STAG1: variants seen among roughly 807,000 people sequenced by gnomAD.
The protein encoded by STAG1 is STAG1 cohesin complex component.
STAG1 carries 26 observed loss-of-function variants against 170.9 expected under a neutral mutation model. The ratio of observed to expected loss-of-function variants is 0.15; its 90% CI spans 0.11 to 0.21. The LOEUF (loss-of-function observed/expected upper bound fraction) is 0.21. Among genes scored for constraint, STAG1 ranks in the 10% least tolerant of loss-of-function variants. STAG1 has a pLI of 1.00. For missense variants in STAG1, 964 were observed against 1,509.5 expected, an observed-to-expected ratio of 0.64 and a Z score of 5.99; for synonymous variants, 514 against 497.7, an observed-to-expected ratio of 1.03 and a Z score of -0.44.
intron 26 of STAG1, among the ~76,000 whole-genome samples, chr3:136,361,425 G>C (rs1484560572): frequency 6.6e-6 from 1 of 152,054 alleles, no homozygotes; most frequent in African/African-American, 2.4e-5. Context: ...TATCCATGTA[G>C]ATACCTAGAA....
chr3:136,471,162 G>A (rs747548423), intron 12 of STAG1, among the ~76,000 whole-genome samples: 1 of 150,734 alleles, frequency 6.6e-6, no homozygotes, highest in Non-Finnish European at 1.5e-5. Context: ...GGAGTTAGCA[G>A]TTTTAATGTG....
intron 6 of STAG1, among the ~76,000 whole-genome samples, chr3:136,527,858 C>A (rs997391300): frequency 6.6e-6 from 1 of 152,140 alleles, no homozygotes; most frequent in African/African-American, 2.4e-5. Flanking sequence ...CACTCCAGAC[C>A]CTGTTTTCCT....
intron 22 of STAG1, among the ~76,000 whole-genome samples, chr3:136,380,461 T>C (rs1042806622): frequency 4.6e-5 from 7 of 151,950 alleles, no homozygotes; most frequent in African/African-American, 1.7e-4. Context: ...AAGATGGTCT[T>C]GATCTCCTGA....
At position 136,369,187 on chromosome 3, in the gene STAG1, A is replaced by G. The variant is rs1937196600; in HGVS notation, c.2466T>C (p.Asp822=). Residue 822 remains aspartate, a synonymous_variant, in exon 24 of 34, where the codon GAT becomes GAC. Coordinates refer to ENST00000383202, the MANE Select transcript of STAG1 (RefSeq NM_005862.3). The part of the protein sequence containing the change: ...EGLQPLVFNP[D]TGLQSELLSF... ...TGAGGAGTTCAGATTGGAGTCCAGT[A>G]TCTGGATTGAACACCAAAGGCTGAA... 1 of 1,605,776 alleles carries G rather than the reference A, an allele frequency of 6.2e-7. No individual in the cohort carries two copies. The highest frequency in any genetic ancestry group is 8.5e-7 in the Non-Finnish European group (1 of 1,177,880).
intron 2 of STAG1, among the ~76,000 whole-genome samples, chr3:136,623,574 ATTTAT>A (rs1939960240): frequency 1.3e-5 from 2 of 152,300 alleles, no homozygotes; most frequent in South Asian, 4.1e-4. Flanking sequence ...GAATATTTTT[ATTTAT>A]TTTGTTTATT....
intron 9 of STAG1, among the ~76,000 whole-genome samples, chr3:136,496,147 AAAAC>A (rs996320086): frequency 1.8e-4 from 27 of 152,194 alleles, no homozygotes; most frequent in East Asian, 3.9e-4. Flanking sequence ...TCCGTCTCAA[AAAAC>A]AAACAAACAA....
At chr3:136,586,632 G>A (rs1239387536) in intron 4 of STAG1, among the ~76,000 whole-genome samples, 1 of 152,080 alleles carries the variant, frequency 6.6e-6, no homozygotes, top group East Asian at 1.9e-4. Flanking sequence ...TTCTTATCTT[G>A]GCACTAATCA....
At chr3:136,431,732 A>G (rs575342670) in intron 16 of STAG1, among the ~76,000 whole-genome samples, 2 of 152,272 alleles carry the variant, frequency 1.3e-5, no homozygotes, top group South Asian at 4.1e-4. Context: ...CTTTCACTGA[A>G]TATGTCATTC....
At chr3:136,723,530 G>C (rs1933442319) in intron 1 of STAG1, among the ~76,000 whole-genome samples, 1 of 152,052 alleles carries the variant, frequency 6.6e-6, no homozygotes, top group South Asian at 2.1e-4. Flanking sequence ...GAGCGTCTCT[G>C]CCCGGCAGCC....
chr3:136,338,361 G>T lies in STAG1; in HGVS notation c.3753+9C>A, dbSNP rs1259957652. The T allele has an allele frequency of 2.5e-6, 4 of 1,607,528 alleles. No homozygotes were observed. Among genetic ancestry groups the T allele is most frequent in the Non-Finnish European group, 2.6e-6 (3 of 1,174,174 alleles). On this transcript the variant is annotated intron_variant, in intron 33 of 33. Coordinates refer to ENST00000383202, the MANE Select transcript of STAG1 (RefSeq NM_005862.3). ...CATAAATAAAAAGCAGTAATAATTT[G>T]ACATTTACTGAATCATCTTCTATGA...
At chr3:136,389,495 A>C (rs2086953155) in intron 22 of STAG1, among the ~76,000 whole-genome samples, 1 of 151,848 alleles carries the variant, frequency 6.6e-6, no homozygotes, top group Admixed American at 6.6e-5. Flanking sequence ...GGGTTTCACC[A>C]TATTGGTCAG....
chr3:136,377,726 C>G lies in STAG1; in HGVS notation c.2304G>C (p.Thr768=). The G allele has an allele frequency of 6.2e-7, 1 of 1,613,964 alleles. No individual in the cohort carries two copies. The highest frequency in any genetic ancestry group is 8.5e-7 in the Non-Finnish European group (1 of 1,179,960). ...GGCAAACAGCCAAAAAGGATTTCAC[C>G]GTTTTCCTCAATACCAACAAATCCT... ...SKEDLLVLRK[T]VKSFLAVCQQ... is the part of the protein sequence containing the mutation. Residue 768 remains threonine (T), a synonymous_variant, in exon 23 of 34, where the codon ACG becomes ACC. Coordinates refer to ENST00000383202, the MANE Select transcript of STAG1 (RefSeq NM_005862.3).
At chr3:136,350,876 G>A (rs1936409384) in intron 28 of STAG1, among the ~76,000 whole-genome samples, 1 of 152,098 alleles carries the variant, frequency 6.6e-6, no homozygotes, top group Admixed American at 6.6e-5. Flanking sequence ...GACACTAGCA[G>A]CAACAAATGA....
chr3:136,424,553 C>T (rs937031780), intron 16 of STAG1, among the ~76,000 whole-genome samples: 1 of 151,736 alleles, frequency 6.6e-6, no homozygotes, highest in African/African-American at 2.4e-5. Flanking sequence ...CAGGCTGGTC[C>T]AACTCCTGAC....
Position 136,748,057 on chromosome 3 carries a change from G to T in STAG1, c.-84+4138C>A, listed in dbSNP as rs1379188670. Among the ~76,000 whole-genome samples the T allele has an allele frequency of 2.0e-5, 3 of 150,558 alleles. No individual in the cohort carries two copies. In the East Asian group the frequency reaches 6.2e-4, roughly 31 times the overall value. On this transcript the variant is annotated intron_variant, in intron 1 of 33. Transcript: ENST00000383202. ...CCCAAAGTGCTGGGATTACAGGCGT[G>T]AGCCACCGCGCCTGGCCAAGAATTA...
intron 21 of STAG1, among the ~76,000 whole-genome samples, chr3:136,399,277 A>G (rs1032392731): frequency 6.6e-6 from 1 of 152,210 alleles, no homozygotes; most frequent in Non-Finnish European, 1.5e-5. Flanking sequence ...TATAAAGCTT[A>G]ATGAATATAA....
At chr3:136,518,191 C>G (rs1256548274) in intron 7 of STAG1, 1 of 420,176 alleles carries the variant, frequency 2.4e-6, no homozygotes, top group East Asian at 3.5e-5. Context: ...TAAGACCACT[C>G]TGATGACTTA....
chr3:136,470,789 G>A (rs1357247924), intron 12 of STAG1, among the ~76,000 whole-genome samples: 2 of 152,126 alleles, frequency 1.3e-5, no homozygotes, highest in African/African-American at 2.4e-5. Context: ...ATACACCATG[G>A]AATAGTATGC....
intron 4 of STAG1, among the ~76,000 whole-genome samples, chr3:136,574,913 A>C (rs1937400158): frequency 6.6e-6 from 1 of 152,188 alleles, no homozygotes; most frequent in Non-Finnish European, 1.5e-5. Context: ...ATAAATCATA[A>C]ATCAAACCTC....
Sources: allele counts gnomAD v4.1 joint callset (sites outside exome capture counted in the v4.1 genomes callset), GRCh38; gene constraint gnomAD v4.1.1; transcripts MANE v1.5; gene names NCBI Gene and HGNC (gene_info 2026-07-23, HGNC 2026-07-21).